Variants in CDYL2 observed in about 807,000 individuals in gnomAD.
CDYL2 encodes the protein chromodomain Y-like protein 2.
In CDYL2, 23 loss-of-function variants were observed where a neutral mutation model predicts 49.4. The ratio of observed to expected loss-of-function variants is 0.47; its 90% CI spans 0.34 to 0.66. The LOEUF is 0.66. Among genes scored for constraint, CDYL2 ranks in the 30% least tolerant of loss-of-function variants. The pLI is 0.01. For synonymous variants in CDYL2, 360 were observed against 268.8 expected (o/e 1.34, Z -3.32); for missense variants, 678 against 656.4 (o/e 1.03, Z -0.36).
chr16:80,678,585 T>C (rs963148201), intron 2 of CDYL2, among the ~76,000 whole-genome samples: 3 of 151,044 alleles, frequency 2.0e-5, no homozygotes, highest in Admixed American at 6.6e-5. Flanking sequence ...CCAGTTAGAA[T>C]GGCAATCATT....
At chr16:80,688,215 G>T (rs1338153380) in intron 1 of CDYL2, among the ~76,000 whole-genome samples, 2 of 152,090 alleles carry the variant, frequency 1.3e-5, no homozygotes, top group African/African-American at 4.8e-5. Flanking sequence ...TCTACCTCTG[G>T]TCCCATTCAC....
At position 80,612,661 on chromosome 16, in the gene CDYL2, A is replaced by G; in HGVS notation, c.1183T>C (p.Ser395Pro). The G allele has an allele frequency of 6.2e-7, 1 of 1,612,572 alleles. No homozygotes were observed. The highest frequency in any genetic ancestry group is 8.5e-7 in the Non-Finnish European group (1 of 1,179,692). ...TIRLTPAGCS[S>P]YTFPQILGVA... ...CCCAGGATCTGGGGGAAGGTGTAGG[A>G]GGAGCAGCCAGCAGGCGTGAGGCGG... The change falls in exon 5 of 7, where the codon TCC becomes CCC. Residue 395 changes from serine (S) to proline (P), a missense_variant. This residue lies in a region of CDYL2 where 153 missense variants were observed against 150.6 expected (regional missense o/e 1.02). Transcript: ENST00000570137. This position sits in a 1 kb window ranked among gnomAD's most constrained non-coding sequence, Gnocchi z 5.0.
chr16:80,646,387 C>A (rs1043305671), intron 2 of CDYL2, among the ~76,000 whole-genome samples: 3 of 152,048 alleles, frequency 2.0e-5, no homozygotes, highest in Admixed American at 1.3e-4. Flanking sequence ...GCACAGAATT[C>A]CCAGAAAACA....
intron 1 of CDYL2, among the ~76,000 whole-genome samples, chr16:80,801,039 T>A (rs1316504851): frequency 6.6e-6 from 1 of 152,214 alleles, no homozygotes; most frequent in Non-Finnish European, 1.5e-5. Flanking sequence ...TTATCTACCA[T>A]TGAGCCAAGT....
intron 1 of CDYL2, among the ~76,000 whole-genome samples, chr16:80,737,832 G>C (rs533364841): frequency 5.3e-5 from 8 of 152,312 alleles, no homozygotes; most frequent in African/African-American, 1.4e-4. Flanking sequence ...TCATGGGAGA[G>C]ATTCTTTTTT....
intron 2 of CDYL2, among the ~76,000 whole-genome samples, chr16:80,644,932 C>T (rs1330921546): frequency 6.6e-6 from 1 of 152,024 alleles, no homozygotes; most frequent in Non-Finnish European, 1.5e-5. Flanking sequence ...AACTGGCTAG[C>T]CATATGTAGA....
chr16:80,685,888 C>A (rs1426685585), intron 1 of CDYL2, among the ~76,000 whole-genome samples: 3 of 152,104 alleles, frequency 2.0e-5, no homozygotes, highest in African/African-American at 7.2e-5. Flanking sequence ...TCCACAGTGA[C>A]CAAAAAGGAC....
At chr16:80,727,995 G>T (rs537716283) in intron 1 of CDYL2, among the ~76,000 whole-genome samples, 29 of 152,220 alleles carry the variant, frequency 1.9e-4, no homozygotes, top group African/African-American at 7.0e-4. Flanking sequence ...CCACAAAGGT[G>T]GGAAAAAAAC....
chr16:80,742,106 ACTGAG>A (rs1373604455), intron 1 of CDYL2: 5 of 152,248 alleles, frequency 3.3e-5, no homozygotes, highest in African/African-American at 1.2e-4. Flanking sequence ...AGATGAGAAA[ACTGAG>A]ATATACAGAG....
At chr16:80,620,172 A>G (rs1907015624) in intron 4 of CDYL2, among the ~76,000 whole-genome samples, 1 of 152,226 alleles carries the variant, frequency 6.6e-6, no homozygotes, top group Non-Finnish European at 1.5e-5. Flanking sequence ...ATGGGGAAAT[A>G]ACTACCCTTC....
intron 2 of CDYL2, among the ~76,000 whole-genome samples, chr16:80,672,352 C>CAGAG (rs1555528924): frequency 9.3e-5 from 11 of 117,770 alleles, no homozygotes; most frequent in Non-Finnish European, 1.7e-4. Context: ...CACACACACA[C>CAGAG]AGAGAGAGAG....
chr16:80,731,095 C>A (rs185379018), intron 1 of CDYL2, among the ~76,000 whole-genome samples: 1 of 152,182 alleles, frequency 6.6e-6, no homozygotes, highest in East Asian at 1.9e-4. Context: ...TAAATATGTA[C>A]AAATTGTTGT....
intron 2 of CDYL2, among the ~76,000 whole-genome samples, chr16:80,668,383 C>T (rs971833533): frequency 2.0e-5 from 3 of 152,072 alleles, no homozygotes; most frequent in Non-Finnish European, 2.9e-5. Flanking sequence ...TACCTACATA[C>T]ATGGAGAGAG....
At chr16:80,695,087 G>A (rs997920833) in intron 1 of CDYL2, among the ~76,000 whole-genome samples, 9 of 152,386 alleles carry the variant, frequency 5.9e-5, no homozygotes, top group South Asian at 4.1e-4. Flanking sequence ...TTAATCAGCA[G>A]TTAGCCAATT....
At chr16:80,641,518 G>C (rs930876060) in intron 2 of CDYL2, among the ~76,000 whole-genome samples, 3 of 151,956 alleles carry the variant, frequency 2.0e-5, no homozygotes, top group Admixed American at 1.3e-4. Flanking sequence ...AGAAAGAAAA[G>C]GATGTTAAGA....
intron 1 of CDYL2, among the ~76,000 whole-genome samples, chr16:80,771,238 T>G (rs75181287): frequency 1.3e-5 from 2 of 152,048 alleles, no homozygotes; most frequent in Non-Finnish European, 2.9e-5. Context: ...CCAAATGCAA[T>G]GTCAAGTATA....
chr16:80,704,567 C>T (rs2142504665), intron 1 of CDYL2, among the ~76,000 whole-genome samples: 1 of 152,336 alleles, frequency 6.6e-6, no homozygotes, highest in Non-Finnish European at 1.5e-5. Flanking sequence ...AGACGTTCAC[C>T]ACCGGTGTGT....
chr16:80,608,030 T>C (rs1906420166), intron 6 of CDYL2, 62 bp downstream of exon 6: 11 of 1,493,912 alleles, frequency 7.4e-6, no homozygotes, highest in African/African-American at 1.4e-5. Flanking sequence ...TGAGCCTTGC[T>C]GTCTTCATGT....
At chr16:80,654,783 T>TG in intron 2 of CDYL2, among the ~76,000 whole-genome samples, 1 of 152,356 alleles carries the variant, frequency 6.6e-6, no homozygotes, top group South Asian at 2.1e-4. Flanking sequence ...AGTTTTGTAT[T>TG]GTTCCCTTAC....
Sources: allele counts gnomAD v4.1 joint callset (sites outside exome capture counted in the v4.1 genomes callset), GRCh38; gene constraint gnomAD v4.1.1; regional missense constraint gnomAD v4.1.1; non-coding constraint Gnocchi (gnomAD v3.1); transcripts MANE v1.5; gene names NCBI Gene and HGNC (gene_info 2026-07-23, HGNC 2026-07-21).